The following CCDC169 variants were observed in gnomAD, a reference collection of about 807,000 sequenced individuals.
CCDC169 encodes coiled-coil domain-containing protein 169.
CCDC169 carries 30 observed loss-of-function variants against 36.0 expected under a neutral mutation model. The ratio of observed to expected loss-of-function variants is 0.83; its 90% CI spans 0.62 to 1.13. The LOEUF (loss-of-function observed/expected upper bound fraction) is 1.13. Ranked by LOEUF, CCDC169 falls within the 50% of genes most tolerant of loss-of-function variation. CCDC169 has a pLI of 0.00. For synonymous variants in CCDC169, 85 were observed against 81.5 expected (o/e 1.04, Z -0.23); for missense variants, 245 against 245.9 (o/e 1.00, Z 0.03).
In CCDC169 at chr13:36,271,294, A is replaced by G. The variant is rs540218655; in HGVS notation, c.315+12175T>C. 2.0e-5 allele frequency among the ~76,000 whole-genome samples: 3 copies of G among 152,284 alleles called. No individual in the cohort carries two copies. The East Asian group carries it at 5.8e-4, about 29-fold the overall frequency. ...TGGATGTGGGGAAAAGGGAATGCTT[A>G]TACACTGCTGATGGGAATGTAAATT... On this transcript the variant is annotated intron_variant, in intron 4 of 7. Transcript: ENST00000239859.
chr13:36,254,274 A>AT, intron 4 of CCDC169, 131 bp from the exon 5 acceptor site: 3 of 415,656 alleles, frequency 7.2e-6, no homozygotes, highest in South Asian at 4.0e-5. Flanking sequence ...TATGATATGT[A>AT]CTTTTTTTTT....
At chr13:36,274,299 T>C (rs978115192) in intron 4 of CCDC169, 29 of 152,198 alleles carry the variant, frequency 1.9e-4, no homozygotes, top group African/African-American at 6.5e-4. Flanking sequence ...TAAATATACA[T>C]ACCAGAGATC....
intron 4 of CCDC169, among the ~76,000 whole-genome samples, chr13:36,255,679 A>G (rs1873778340): frequency 6.8e-6 from 1 of 146,580 alleles, no homozygotes; most frequent in South Asian, 2.2e-4. Context: ...AAAAAAAAAG[A>G]GGCCTGCTTG....
chr13:36,256,041 T>A (rs1225970965), intron 4 of CCDC169, among the ~76,000 whole-genome samples: 3 of 152,156 alleles, frequency 2.0e-5, no homozygotes, highest in Non-Finnish European at 4.4e-5. Context: ...AGCCTTTCCT[T>A]CTCCTTCTTT....
At chr13:36,256,939 G>A (rs943388728) in intron 4 of CCDC169, among the ~76,000 whole-genome samples, 1 of 152,224 alleles carries the variant, frequency 6.6e-6, no homozygotes, top group African/African-American at 2.4e-5. Context: ...AGGTGGGCCA[G>A]CAGCAGCTGG....
chr13:36,229,068 A>G (rs896644959), downstream of CCDC169, among the ~76,000 whole-genome samples: 2 of 152,186 alleles, frequency 1.3e-5, no homozygotes, highest in African/African-American at 4.8e-5. Flanking sequence ...ATACCTCTAT[A>G]TTAGTAAAAG....
chr13:36,256,136 T>C (rs1873851101), intron 4 of CCDC169, among the ~76,000 whole-genome samples: 1 of 152,238 alleles, frequency 6.6e-6, no homozygotes, highest in Non-Finnish European at 1.5e-5. Context: ...ATTCAGATCA[T>C]CTGCAGTTTG....
chr13:36,253,967 T>G, intron 5 of CCDC169, 78 bp downstream of exon 5: 1 of 1,534,224 alleles, frequency 6.5e-7, no homozygotes, highest in Non-Finnish European at 8.8e-7. Context: ...TTTGTGTTAA[T>G]TATAGAGTAG....
chr13:36,243,549 G>A (rs1016275885), intron 7 of CCDC169, among the ~76,000 whole-genome samples: 3 of 152,042 alleles, frequency 2.0e-5, no homozygotes, highest in Admixed American at 1.3e-4. Flanking sequence ...GCTCATGCCT[G>A]TAATCCCAGC....
At chr13:36,267,601 C>T (rs747963009) in intron 4 of CCDC169, among the ~76,000 whole-genome samples, 3 of 152,034 alleles carry the variant, frequency 2.0e-5, no homozygotes, top group Non-Finnish European at 4.4e-5. Flanking sequence ...AACAGTGCCT[C>T]GTATCTCAAT....
At position 36,295,821 on chromosome 13, in the gene CCDC169, G is replaced by A. The variant is rs1046469288; in HGVS notation, c.120C>T (p.His40=). 4 of 1,543,568 alleles carry A rather than the reference G, an allele frequency of 2.6e-6. No individual in the cohort carries two copies. The South Asian group carries it at 4.8e-5, about 19-fold the overall frequency. Residue 40 remains histidine, a synonymous_variant, in exon 2 of 8, where the codon CAC becomes CAT. Transcript: ENST00000239859. ...AVQLSIFELR[H]KITELEAKLN... is the part of the protein sequence containing the mutation. ...GTTTGGCTTCCAGTTCCGTAATCTT[G>A]TGTCTTAGTTCAAATATTGAGAGTT...
Position 36,231,202 on chromosome 13 carries a change from G to C in CCDC169, c.636C>G (p.Leu212=). The C allele has an allele frequency of 6.4e-7, 1 of 1,551,162 alleles. No homozygotes were observed. The highest frequency in any genetic ancestry group is 8.7e-7 in the Non-Finnish European group (1 of 1,146,686). Reference sequence around the variant, plus strand: ...CCATCCAGTTCTGGAATCATGGATGGAGTTCTGGAAGATGGTTTGGTCTTG... The same window carrying C: ...CCATCCAGTTCTGGAATCATGGATGCAGTTCTGGAAGATGGTTTGGTCTTG... ...KITRPNHLPE[L]HP is the part of the protein sequence containing the mutation. Residue 212 remains leucine, a synonymous_variant, in exon 8 of 8, where the codon CTC becomes CTG. Transcript: ENST00000239859.
intron 2 of CCDC169, among the ~76,000 whole-genome samples, chr13:36,291,479 T>C (rs191155374): frequency 1.7e-3 from 260 of 152,328 alleles, no homozygotes; most frequent in African/African-American, 5.8e-3. Flanking sequence ...GGTGGGATCA[T>C]TTAAAAACCC....
At chr13:36,266,919 A>G (rs2138538371) in intron 4 of CCDC169, among the ~76,000 whole-genome samples, 1 of 152,308 alleles carries the variant, frequency 6.6e-6, no homozygotes, top group East Asian at 1.9e-4. Flanking sequence ...ATCACTATCC[A>G]TACTCCTAGT....
intron 7 of CCDC169, among the ~76,000 whole-genome samples, chr13:36,247,762 A>G (rs1382727684): frequency 6.6e-6 from 1 of 152,190 alleles, no homozygotes; most frequent in Non-Finnish European, 1.5e-5. Flanking sequence ...CTGTGATGTC[A>G]TTTTTGAAAT....
intron 4 of CCDC169, among the ~76,000 whole-genome samples, chr13:36,274,054 CCTT>C (rs1206723455): frequency 3.3e-5 from 5 of 152,196 alleles, no homozygotes; most frequent in Non-Finnish European, 5.9e-5. Flanking sequence ...ACTTCATTCT[CCTT>C]CTCTATACCT....
At chr13:36,244,418 G>T (rs1006101326) in intron 7 of CCDC169, 2 of 152,148 alleles carry the variant, frequency 1.3e-5, no homozygotes, top group Non-Finnish European at 2.9e-5. Flanking sequence ...AGTATCTAAC[G>T]AGCTTCTCTG....
At chr13:36,230,662 A>G, downstream of CCDC169, 3 of 620,128 alleles carry the variant, frequency 4.8e-6, no homozygotes, top group Non-Finnish European at 4.0e-6. Flanking sequence ...GACTTGCCCA[A>G]GATCTCCTAA....
In CCDC169 at chr13:36,254,074, A is replaced by C. The variant is rs1873515178; in HGVS notation, c.385T>G (p.Tyr129Asp). 2 of 1,548,652 alleles carry C rather than the reference A, an allele frequency of 1.3e-6. No homozygotes were observed. The highest frequency in any genetic ancestry group is 2.0e-5 in the Admixed American group (1 of 50,306). The change falls in exon 5 of 8, where the codon TAT (tyrosine) becomes GAT (aspartate). Residue 129 changes from tyrosine to aspartate, a missense_variant. Transcript: ENST00000239859. ...GATTCTTGTTCCAGTTTAAGTGCAT[A>C]GTATTTCACTTGACTTTCAAGAGTC... ...KKTLESQVKY[Y>D]ALKLEQESKA...
Sources: gnomAD v4.1 joint callset for allele counts (sites outside exome capture counted in the v4.1 genomes callset) on GRCh38, gnomAD v4.1.1 for gene constraint, MANE v1.5 for transcripts, NCBI Gene and HGNC (gene_info 2026-07-23, HGNC 2026-07-21) for gene names.